The following PLCH1 variants were observed in gnomAD, a reference collection of about 807,000 sequenced individuals.
PLCH1 encodes the protein 1-phosphatidylinositol 4,5-bisphosphate phosphodiesterase eta-1.
In PLCH1, 60 loss-of-function variants were observed where a neutral mutation model predicts 126.7. The ratio of observed to expected loss-of-function variants is 0.47; its 90% CI spans 0.38 to 0.59. The LOEUF (loss-of-function observed/expected upper bound fraction) is 0.59. PLCH1 is among the 20% of genes least tolerant of loss of function. The pLI is 0.00. For missense variants in PLCH1, 1,723 were observed against 2,040.0 expected (o/e 0.84, Z 2.99); for synonymous variants, 719 against 734.9 (o/e 0.98, Z 0.35).
Position 155,594,178 on chromosome 3 carries a change from A to G in PLCH1, c.233T>C (p.Ile78Thr), listed in dbSNP as rs376738258. The G allele has an allele frequency of 5.6e-6, 9 of 1,613,710 alleles. No individual in the cohort carries two copies. The South Asian group carries it at 7.7e-5, about 14-fold the overall frequency. Residue 78 changes from isoleucine to threonine, a missense_variant, in exon 4 of 23, where the codon ATT becomes ACT. By Grantham distance (89) the Ile-to-Thr change is moderately conservative. Transcript: ENST00000460012. The stretch of plus-strand genomic sequence containing the variant: ...CTCAGTCACTTTGTAAATGGAATCA[A>G]TAAGTACTGTGAGGAAAATGAGATA... ...SRKSEKAKIL[I>T]DSIYKVTEGR... is the part of the protein sequence containing the mutation.
chr3:155,647,205 T>C (rs1577232843), intron 2 of PLCH1, among the ~76,000 whole-genome samples: 1 of 152,032 alleles, frequency 6.6e-6, no homozygotes, highest in African/African-American at 2.4e-5. Context: ...TACAAAAGCA[T>C]AGCTAATGAA....
chr3:155,541,330 C>G (rs1331306376), intron 10 of PLCH1, among the ~76,000 whole-genome samples: 1 of 152,160 alleles, frequency 6.6e-6, no homozygotes, highest in Admixed American at 6.5e-5. Context: ...GAAATCACCA[C>G]TAAAAAACTT....
At chr3:155,606,699 A>G (rs887964428) in intron 2 of PLCH1, among the ~76,000 whole-genome samples, 3 of 152,218 alleles carry the variant, frequency 2.0e-5, no homozygotes, top group East Asian at 1.9e-4. Flanking sequence ...AAGGTATTGA[A>G]TGGGGGAATA....
intron 2 of PLCH1, among the ~76,000 whole-genome samples, chr3:155,695,855 A>G (rs1218015973): frequency 6.6e-6 from 1 of 152,214 alleles, no homozygotes; most frequent in Non-Finnish European, 1.5e-5. Flanking sequence ...GTGAAGAAGC[A>G]GTGAGTTTTG....
At chr3:155,690,667 C>T (rs1444297142) in intron 2 of PLCH1, among the ~76,000 whole-genome samples, 1 of 152,174 alleles carries the variant, frequency 6.6e-6, no homozygotes, top group Non-Finnish European at 1.5e-5. Flanking sequence ...AGCTGTGCTC[C>T]TTACACACAA....
At chr3:155,681,571 T>A (rs147751640) in intron 2 of PLCH1, among the ~76,000 whole-genome samples, 2 of 152,278 alleles carry the variant, frequency 1.3e-5, no homozygotes, top group East Asian at 3.9e-4. Context: ...TTGCCTTCAG[T>A]CTCTCTTTTT....
intron 12 of PLCH1, among the ~76,000 whole-genome samples, chr3:155,513,166 G>A (rs1053514777): frequency 4.6e-5 from 7 of 152,190 alleles, no homozygotes; most frequent in African/African-American, 1.4e-4. Flanking sequence ...GATTTAAACC[G>A]ACATATGTAT....
chr3:155,494,110 C>T (rs1290220798), intron 17 of PLCH1, 31 bp downstream of exon 17: 2 of 1,509,654 alleles, frequency 1.3e-6, no homozygotes, highest in Admixed American at 3.3e-5. Flanking sequence ...TAACACACAC[C>T]TGCATTTATG....
chr3:155,574,764 T>C (rs1409110788), intron 6 of PLCH1, among the ~76,000 whole-genome samples: 2 of 152,322 alleles, frequency 1.3e-5, no homozygotes, highest in East Asian at 1.9e-4. Context: ...CTGGGAAATA[T>C]AGCCAATGCA....
chr3:155,500,890 A>G (rs920821398), intron 13 of PLCH1, 96 bp from the exon 14 acceptor site: 1 of 782,478 alleles, frequency 1.3e-6, no homozygotes, highest in East Asian at 2.5e-5. Context: ...GCACATGTGC[A>G]CAAACATAAC....
intron 2 of PLCH1, among the ~76,000 whole-genome samples, chr3:155,624,053 C>T (rs1461065631): frequency 6.6e-6 from 1 of 152,058 alleles, no homozygotes; most frequent in Non-Finnish European, 1.5e-5. Context: ...TTATCCACTA[C>T]AATCAAGACA....
At chr3:155,595,467 C>T (rs1732867577) in intron 3 of PLCH1, among the ~76,000 whole-genome samples, 1 of 152,194 alleles carries the variant, frequency 6.6e-6, no homozygotes, top group African/African-American at 2.4e-5. Context: ...TGAGCCTATG[C>T]TCAGCCCAAG....
intron 22 of PLCH1, 80 bp from the exon 23 acceptor site, chr3:155,483,131 G>A: frequency 1.6e-6 from 2 of 1,242,488 alleles, no homozygotes; most frequent in Admixed American, 3.8e-5. Flanking sequence ...TCTTCGGACA[G>A]ACAAATGGAG....
At chr3:155,647,680 C>T (rs1388583240) in intron 2 of PLCH1, among the ~76,000 whole-genome samples, 2 of 152,074 alleles carry the variant, frequency 1.3e-5, no homozygotes, top group Admixed American at 6.6e-5. Flanking sequence ...CACTCTAAAA[C>T]TTAACAAGAC....
intron 21 of PLCH1, among the ~76,000 whole-genome samples, chr3:155,469,205 G>C (rs1713056767): frequency 6.6e-6 from 1 of 152,176 alleles, no homozygotes; most frequent in African/African-American, 2.4e-5. Flanking sequence ...GTGGGCACAG[G>C]TCAGTGGGTG....
Position 155,482,291 on chromosome 3 carries a change from G to A in PLCH1, c.3735C>T (p.Cys1245=), listed in dbSNP as rs1269962569. 6.2e-7 allele frequency: 1 copy of A among 1,614,050 alleles called. No individual in the cohort carries two copies. Among genetic ancestry groups the A allele is most frequent in the African/African-American group, 1.3e-5 (1 of 74,922 alleles). The change falls in exon 23 of 23, where the codon TGC becomes TGT. Residue 1245 remains cysteine (C), a synonymous_variant. Transcript: ENST00000460012. ...AGAGTGCTATCAGCTCCGGAGATGA[G>A]CACAGGAAGGAAGACTTGGATTTTC... ...CKGKSKSSFL[C]SSPELIALSS...
chr3:155,469,745 C>T (rs565876955), intron 21 of PLCH1, among the ~76,000 whole-genome samples: 10 of 151,942 alleles, frequency 6.6e-5, no homozygotes, highest in South Asian at 2.1e-4. Flanking sequence ...GGGCAGACTG[C>T]CTCCTCAAGT....
At chr3:155,727,155 A>T (rs1748396576) in intron 1 of PLCH1, among the ~76,000 whole-genome samples, 1 of 151,980 alleles carries the variant, frequency 6.6e-6, no homozygotes, top group Admixed American at 6.6e-5. Context: ...TTGGAAAAAT[A>T]AAAATAAAAA....
intron 2 of PLCH1, among the ~76,000 whole-genome samples, chr3:155,695,686 C>T (rs1265924065): frequency 6.6e-6 from 1 of 152,144 alleles, no homozygotes; most frequent in African/African-American, 2.4e-5. Context: ...TGTTTTATTA[C>T]AGTAATGATA....
Sources: allele counts gnomAD v4.1 joint callset (sites outside exome capture counted in the v4.1 genomes callset), GRCh38; gene constraint gnomAD v4.1.1; transcripts MANE v1.5; gene names NCBI Gene and HGNC (gene_info 2026-07-23, HGNC 2026-07-21).